MTIF2: variants seen among roughly 807,000 people sequenced by gnomAD.
MTIF2 encodes the protein mitochondrial translational initiation factor 2, also known as translation initiation factor IF-2, mitochondrial.
Under a neutral mutation model 83.5 loss-of-function variants are expected in MTIF2, and 71 were observed. That is an observed-to-expected ratio of 0.85 (90% CI 0.70 to 1.04). The LOEUF (loss-of-function observed/expected upper bound fraction) is 1.04, where lower values mean the gene tolerates loss of function less well. Among genes scored for constraint, MTIF2 ranks in the 50% least tolerant of loss-of-function variants. The pLI is 0.00. For missense variants in MTIF2, 957 were observed against 846.5 expected (o/e 1.13, Z -1.62); for synonymous variants, 319 against 287.1 (o/e 1.11, Z -1.12).
chr2:55,248,233 G>T (rs1445514816), intron 9 of MTIF2, among the ~76,000 whole-genome samples: 1 of 152,216 alleles, frequency 6.6e-6, no homozygotes, highest in Non-Finnish European at 1.5e-5. Context: ...TTGGCTTTCA[G>T]AGTGCAATAA....
intron 13 of MTIF2, among the ~76,000 whole-genome samples, chr2:55,240,993 A>G (rs1228695401): frequency 6.6e-6 from 1 of 151,466 alleles, no homozygotes; most frequent in Non-Finnish European, 1.5e-5. Flanking sequence ...GGTAAAGGTC[A>G]AGAGTTATTT....
chr2:55,260,157 T>C (rs1677851836), intron 5 of MTIF2, among the ~76,000 whole-genome samples: 1 of 152,132 alleles, frequency 6.6e-6, no homozygotes, highest in Non-Finnish European at 1.5e-5. Flanking sequence ...CTCAGCACTT[T>C]GGGAGGCCGA....
intron 3 of MTIF2, among the ~76,000 whole-genome samples, chr2:55,264,702 T>C (rs970112813): frequency 6.6e-6 from 1 of 152,110 alleles, no homozygotes; most frequent in African/African-American, 2.4e-5. Flanking sequence ...CATCTTCCCA[T>C]CTCACCCCCT....
intron 5 of MTIF2, among the ~76,000 whole-genome samples, chr2:55,260,062 T>A (rs1292534992): frequency 6.6e-6 from 1 of 152,198 alleles, no homozygotes; most frequent in South Asian, 2.1e-4. Flanking sequence ...TTCAAAGTTT[T>A]CTAGCTATAA....
rs200287659 is a variant in MTIF2, at chr2:55,243,389, T to C, written c.1564+27A>G. ...AAAAACATATATTCAAAGAATGAAC[T>C]GTAATGTAAAATCTTTAAAAAGATA... On this transcript the variant is annotated intron_variant, in intron 12 of 15. Coordinates refer to ENST00000263629, the MANE Select transcript of MTIF2 (RefSeq NM_002453.3). 2.6e-6 allele frequency: 4 copies of C among 1,551,670 alleles called. No individual in the cohort carries two copies. In the East Asian group the frequency reaches 6.8e-5, roughly 26 times the overall value.
At chr2:55,248,838 G>A (rs1676884840) in intron 9 of MTIF2, among the ~76,000 whole-genome samples, 1 of 151,982 alleles carries the variant, frequency 6.6e-6, no homozygotes, top group African/African-American at 2.4e-5. Context: ...TTTCATTTCT[G>A]CTTAAGACAG....
chr2:55,241,473 C>G (rs1407785062), intron 13 of MTIF2, among the ~76,000 whole-genome samples: 1 of 149,750 alleles, frequency 6.7e-6, no homozygotes, highest in African/African-American at 2.5e-5. Context: ...TTGTCTTAAA[C>G]AAAATGAATG....
intron 14 of MTIF2, among the ~76,000 whole-genome samples, chr2:55,239,786 T>TAATTC (rs1175566818): frequency 6.6e-6 from 1 of 152,228 alleles, no homozygotes. Flanking sequence ...GGCAAGTTCC[T>TAATTC]AATTCCTTAT....
At chr2:55,252,282 A>C (rs1286131924) in intron 8 of MTIF2, among the ~76,000 whole-genome samples, 195 bp downstream of exon 8, 7 of 152,220 alleles carry the variant, frequency 4.6e-5, no homozygotes, top group Admixed American at 4.6e-4. Context: ...ACTTATGGTC[A>C]CAACTCCCAA....
At chr2:55,249,341 C>CA in intron 9 of MTIF2, 54 bp downstream of exon 9, 2 of 1,590,006 alleles carry the variant, frequency 1.3e-6, no homozygotes, top group Non-Finnish European at 1.7e-6. Flanking sequence ...ATACTGTGTG[C>CA]ATTATGTACA....
At chr2:55,256,326 AC>A (rs1179292389) in intron 5 of MTIF2, among the ~76,000 whole-genome samples, 9 of 124,644 alleles carry the variant, frequency 7.2e-5, no homozygotes, top group African/African-American at 2.8e-4. Context: ...ACACACACAC[AC>A]AATATATATC....
chr2:55,244,136 C>T lies in MTIF2; in HGVS notation c.1204G>A (p.Glu402Lys). 1 of 1,614,152 alleles carries T rather than the reference C, an allele frequency of 6.2e-7. No homozygotes were observed. The change falls in exon 11 of 16, where the codon GAA (glutamate) becomes AAA (lysine). Residue 402 changes from glutamate (E) to lysine (K), a missense_variant. This residue lies in a region of MTIF2 where 733 missense variants were observed against 648.7 expected (regional missense o/e 1.13). Transcript: ENST00000263629. Reference sequence around the variant, plus strand: ...GCCTCATCAATTGTTTTTCCATTTTCATCAAACATTAAGCGTACTTTTGCC... The same window carrying T: ...GCCTCATCAATTGTTTTTCCATTTTTATCAAACATTAAGCGTACTTTTGCC... ...CWAKVRLMFD[E>K]NGKTIDEAYP...
chr2:55,242,403 G>A (rs1289124875), intron 13 of MTIF2, among the ~76,000 whole-genome samples: 2 of 152,110 alleles, frequency 1.3e-5, no homozygotes, highest in Non-Finnish European at 2.9e-5. Context: ...TAACAGTCAT[G>A]AGTCCCCCTT....
chr2:55,257,072 TCA>T (rs1677601982), intron 5 of MTIF2, among the ~76,000 whole-genome samples: 1 of 152,226 alleles, frequency 6.6e-6, no homozygotes, highest in African/African-American at 2.4e-5. Flanking sequence ...TGTTTTAATC[TCA>T]GTCATGTTTC....
intron 13 of MTIF2, among the ~76,000 whole-genome samples, chr2:55,242,710 C>G (rs1353200409): frequency 6.6e-6 from 1 of 152,100 alleles, no homozygotes; most frequent in Admixed American, 6.5e-5. Flanking sequence ...GTGACCAGGT[C>G]TTGAAATAGT....
chr2:55,263,609 C>CAAAA, intron 4 of MTIF2, 31 bp downstream of exon 4: 6 of 1,314,336 alleles, frequency 4.6e-6, no homozygotes, highest in East Asian at 2.5e-5. Flanking sequence ...GACTCCATCT[C>CAAAA]AAAAAAAAAA....
intron 10 of MTIF2, among the ~76,000 whole-genome samples, chr2:55,244,800 A>G (rs1676576522): frequency 6.6e-6 from 1 of 152,052 alleles, no homozygotes; most frequent in South Asian, 2.1e-4. Flanking sequence ...TAATCCCAGT[A>G]CTTTGGGAGG....
intron 10 of MTIF2, among the ~76,000 whole-genome samples, chr2:55,244,693 T>C (rs926979291): frequency 2.6e-5 from 4 of 151,926 alleles, no homozygotes; most frequent in Non-Finnish European, 4.4e-5. Flanking sequence ...GGTGGGTGGA[T>C]TGCTTGAGCT....
intron 3 of MTIF2, among the ~76,000 whole-genome samples, chr2:55,267,317 C>T (rs969222671): frequency 2.6e-5 from 4 of 151,618 alleles, no homozygotes; most frequent in Admixed American, 6.6e-5. Flanking sequence ...CCAGCACACC[C>T]GGCTAATTAT....
Sources: gnomAD v4.1 joint callset for allele counts (sites outside exome capture counted in the v4.1 genomes callset) on GRCh38, gnomAD v4.1.1 for gene constraint, gnomAD v4.1.1 regional missense constraint, MANE v1.5 for transcripts, NCBI Gene and HGNC (gene_info 2026-07-23, HGNC 2026-07-21) for gene names.